NT5DC2: variants seen among roughly 807,000 people sequenced by gnomAD.
NT5DC2 encodes 5'-nucleotidase domain-containing protein 2.
NT5DC2 carries 41 observed loss-of-function variants against 70.0 expected under a neutral mutation model. The observed-to-expected ratio is 0.59, with a 90% CI of 0.46 to 0.76. NT5DC2 has a LOEUF of 0.76. Among genes scored for constraint, NT5DC2 ranks in the 30% least tolerant of loss-of-function variants. The pLI, the probability that NT5DC2 is intolerant of heterozygous loss-of-function variation, is 0.00. For synonymous variants in NT5DC2, 299 were observed against 310.4 expected (o/e 0.96, Z 0.39); for missense variants, 705 against 783.2 (o/e 0.90, Z 1.19).
At position 52,529,126 on chromosome 3, in the gene NT5DC2, T is replaced by G; in HGVS notation, c.417+24A>C. On this transcript the variant is annotated intron_variant, in intron 2 of 13. Coordinates refer to ENST00000422318, the MANE Select transcript of NT5DC2 (RefSeq NM_001134231.2). This position sits in a 1 kb window ranked among gnomAD's most constrained non-coding sequence, Gnocchi z 4.1. ...GCCAGCCTCCAAGCCCTGGGTTTGT[T>G]GGTGGCAAGGACCCCCGTCTCACCT... 6.2e-7 allele frequency: 1 copy of G among 1,613,548 alleles called. No homozygotes were observed. The highest frequency in any genetic ancestry group is 8.5e-7 in the Non-Finnish European group (1 of 1,179,636).
chr3:52,526,805 G>A (rs948726796), intron 10 of NT5DC2, among the ~76,000 whole-genome samples: 3 of 152,194 alleles, frequency 2.0e-5, no homozygotes, highest in South Asian at 4.1e-4. Flanking sequence ...GACCACAGGT[G>A]CATGCTACCA....
upstream of NT5DC2, chr3:52,534,604 C>G (rs2079405026): frequency 6.2e-7 from 1 of 1,613,928 alleles, no homozygotes; most frequent in Non-Finnish European, 8.5e-7. Context: ...CGTCGACAGG[C>G]TTTCCAACAA....
intron 3 of NT5DC2, 31 bp from the exon 4 acceptor site, chr3:52,528,723 T>C (rs769183111): frequency 4.4e-6 from 7 of 1,607,382 alleles, no homozygotes; most frequent in South Asian, 2.2e-5. Context: ...GGACGGATGG[T>C]GAGGAGGCAG....
rs1191901864 is a variant in NT5DC2, at chr3:52,533,506, C to T, written c.232G>A (p.Asp78Asn). The change falls in exon 1 of 14, where the codon GAC becomes AAC. Residue 78 changes from aspartate (D) to asparagine (N), a missense_variant and splice_region_variant. By Grantham distance (23) the Asp-to-Asn change is conservative. Transcript: ENST00000422318. The part of the protein sequence containing the change: ...RYQDMRRLVH[D>N]LLPPEVCSLL... ...GCACGTCCCGCCCCGGCTCACCCAC[C>T]GTGCACCAGTCTCCGCATGTCCTGG... The T allele has an allele frequency of 4.7e-6, 7 of 1,492,438 alleles. No homozygotes were observed. Among genetic ancestry groups the T allele is most frequent in the South Asian group, 1.2e-5 (1 of 80,558 alleles). The allele number at this position is 1,492,438 out of a possible 1,614,324, so 92.4% of individuals were successfully genotyped here.
At position 52,525,049 on chromosome 3, in the gene NT5DC2, G is replaced by T; in HGVS notation, c.1261C>A (p.Arg421Ser). The T allele has an allele frequency of 6.3e-7, 1 of 1,597,120 alleles. No homozygotes were observed. Among genetic ancestry groups the T allele is most frequent in the Non-Finnish European group, 8.5e-7 (1 of 1,173,128 alleles). ...TCCGTGTTGATGATGCGGATCTCACGCTCCAGCTCGGGGATGATGGCGCCT... is the reference window on the plus strand; with the variant it reads ...TCCGTGTTGATGATGCGGATCTCACTCTCCAGCTCGGGGATGATGGCGCCT... ...RTGAIIPELE[R>S]EIRIINTEQY... The change falls in exon 12 of 14, where the codon CGT becomes AGT. Residue 421 changes from arginine to serine, a missense_variant. By Grantham distance (110) the Arg-to-Ser change is moderately radical. Transcript: ENST00000422318.
Position 52,532,363 on chromosome 3 carries a change from G to A in NT5DC2, c.232+1143C>T, listed in dbSNP as rs926174080. On this transcript the variant is annotated intron_variant, in intron 1 of 13. Coordinates refer to ENST00000422318, the MANE Select transcript of NT5DC2 (RefSeq NM_001134231.2). ...CCAGAGCAAAGACTTCTTAAATAAC[G>A]CTGGGCCGCCCCTCCACAGACACAA... is the stretch of plus-strand genomic sequence containing the variant. 4 of 985,256 alleles carry A rather than the reference G, an allele frequency of 4.1e-6. No homozygotes were observed. In the African/African-American group the frequency reaches 5.2e-5, roughly 13 times the overall value. The allele number at this position is 985,256 out of a possible 1,614,324, so 61.0% of individuals were successfully genotyped here.
rs978069427 is a variant in NT5DC2, at chr3:52,529,652, C to T, written c.233-318G>A. The stretch of plus-strand genomic sequence containing the variant: ...CCAGGCCCTCACCACTAAGCCCCAT[C>T]AGACACAAGGCCATGCTAGAACCCT... On this transcript the variant is annotated intron_variant, in intron 1 of 13. Transcript: ENST00000422318. The surrounding 1 kb of genome is among the most constrained non-coding windows in gnomAD (Gnocchi z 4.1). 6.6e-6 allele frequency among the ~76,000 whole-genome samples: 1 copy of T among 152,168 alleles called. No homozygotes were observed. The highest frequency in any genetic ancestry group is 2.4e-5 in the African/African-American group (1 of 41,422).
upstream of NT5DC2, chr3:52,534,759 G>A (rs1258433215): frequency 2.1e-6 from 3 of 1,455,654 alleles, no homozygotes; most frequent in Non-Finnish European, 1.9e-6. Flanking sequence ...AGGGGAGCCA[G>A]CTGGGCGCGC....
intron 12 of NT5DC2, 34 bp downstream of exon 12, chr3:52,524,929 G>A (rs755818978): frequency 7.4e-6 from 12 of 1,612,488 alleles, no homozygotes; most frequent in South Asian, 2.2e-5. Flanking sequence ...GGAGGCTACC[G>A]CCCTGGCCCT....
chr3:52,533,600 G>A lies in NT5DC2; in HGVS notation c.138C>T (p.Val46=), dbSNP rs1373520726. 1.4e-5 allele frequency: 18 copies of A among 1,272,920 alleles called. No individual in the cohort carries two copies. The highest frequency in any genetic ancestry group is 1.3e-5 in the Non-Finnish European group (13 of 1,010,778). 78.9% of individuals were successfully genotyped at this position (1,272,920 alleles called of 1,614,324 possible). Residue 46 remains valine (V), a synonymous_variant, in exon 1 of 14, where the codon GTC becomes GTT. Transcript: ENST00000422318. The part of the protein sequence containing the change: ...PPGPGAHCPG[V]PRSAPAQAPT... Reference sequence around the variant, plus strand: ...GTGCCTGGGCGGGCGCGGAGCGCGGGACGCCGGGGCAGTGGGCGCCGGGAC... The same window carrying A: ...GTGCCTGGGCGGGCGCGGAGCGCGGAACGCCGGGGCAGTGGGCGCCGGGAC...
chr3:52,532,187 T>C (rs1300269230), intron 1 of NT5DC2: 5 of 985,290 alleles, frequency 5.1e-6, no homozygotes, highest in Non-Finnish European at 6.0e-6. Context: ...GGGAATGACT[T>C]TGCTCCTTGT....
chr3:52,529,036 C>G lies in NT5DC2; in HGVS notation c.418-101G>C. On this transcript the variant is annotated intron_variant, in intron 2 of 13. Transcript: ENST00000422318. The surrounding 1 kb of genome is among the most constrained non-coding windows in gnomAD (Gnocchi z 4.1). ...CAATCCAGCCACCTGCCCAGGGCAG[C>G]TGCCAGGCAAGAGGGCCAGGGGAGC... 2 of 1,583,858 alleles carry G rather than the reference C, an allele frequency of 1.3e-6. No individual in the cohort carries two copies. The highest frequency in any genetic ancestry group is 1.7e-6 in the Non-Finnish European group (2 of 1,154,560).
chr3:52,533,284 C>T (rs1001379772), intron 1 of NT5DC2, among the ~76,000 whole-genome samples: 2 of 152,110 alleles, frequency 1.3e-5, no homozygotes, highest in African/African-American at 2.4e-5. Flanking sequence ...CAGACCGAGC[C>T]GGGGAACAAA....
intron 10 of NT5DC2, chr3:52,525,498 C>T: frequency 3.4e-6 from 2 of 594,470 alleles, no homozygotes; most frequent in South Asian, 2.0e-5. Flanking sequence ...CAGGAAGGTG[C>T]CCTACAGGCC....
chr3:52,527,250 C>G, intron 10 of NT5DC2, 44 bp downstream of exon 10: 1 of 1,576,326 alleles, frequency 6.3e-7, no homozygotes, highest in Non-Finnish European at 8.7e-7. Context: ...CCTAGCTAGG[C>G]CCCATGCCCC....
rs200773348 is a variant in NT5DC2, at chr3:52,525,250, G to T, written c.1165C>A (p.Arg389Ser). 4 of 1,612,708 alleles carry T rather than the reference G, an allele frequency of 2.5e-6. No homozygotes were observed. The highest frequency in any genetic ancestry group is 3.4e-6 in the Non-Finnish European group (4 of 1,179,892). ...FLRLTEWRGP[R>S]VLYFGDHLYS... ...AGGTGGTCCCCGAAGTAGAGCACGC[G>T]GGGGCCACGCCATTCCGTCAAGCGT... The change falls in exon 11 of 14, where the codon CGC becomes AGC. Residue 389 changes from arginine to serine, a missense_variant. Coordinates refer to ENST00000422318, the MANE Select transcript of NT5DC2 (RefSeq NM_001134231.2).
upstream of NT5DC2, chr3:52,534,378 G>T: frequency 8.2e-7 from 1 of 1,225,052 alleles, no homozygotes; most frequent in Non-Finnish European, 1.2e-6. Flanking sequence ...AGCCCTTCCC[G>T]CGCTTCCCGG....
chr3:52,528,235 AAGTAGTCC>A lies in NT5DC2; in HGVS notation c.711_718del (p.Asp238SerfsTer8). ...GTCAAACTCCAGGCTGTGGCCCAGA[AAGTAGTCC>A]ACCACACAGGACAGCAGAGCCATCT... On this transcript the variant is annotated frameshift_variant, in exon 6 of 14. Transcript: ENST00000422318. LOFTEE classifies it high-confidence loss of function. 6.2e-7 allele frequency: 1 copy of A among 1,613,376 alleles called. No homozygotes were observed. Among genetic ancestry groups the A allele is most frequent in the South Asian group, 1.1e-5 (1 of 91,086 alleles).
rs529372336 is a variant in NT5DC2 at position 52,525,136 on chromosome 3, G to A, written c.1207-33C>T. The A allele has an allele frequency of 4.5e-5, 33 of 737,880 alleles. 1 individual carries two copies. The highest frequency in any genetic ancestry group is 1.2e-4 in the East Asian group (2 of 16,850). 45.7% of individuals were successfully genotyped at this position (737,880 alleles called of 1,614,324 possible). A position where few individuals can be genotyped will look rare whatever the true frequency, so the allele number is the denominator to read the frequency against. On this transcript the variant is annotated intron_variant, in intron 11 of 13. Transcript: ENST00000422318. ...GTGGGGCGGCAGAACTGGGCTCAGC[G>A]CCAGTTGCTGGGGGCGGGGGGGGGG...
Sources: allele counts gnomAD v4.1 joint callset (sites outside exome capture counted in the v4.1 genomes callset), GRCh38; gene constraint gnomAD v4.1.1; non-coding constraint Gnocchi (gnomAD v3.1); transcripts MANE v1.5; gene names NCBI Gene and HGNC (gene_info 2026-07-23, HGNC 2026-07-21).